Variants in DACH1 observed in about 807,000 individuals in gnomAD.
DACH1 encodes dachshund family transcription factor 1.
A neutral mutation model predicts 54.2 loss-of-function variants in DACH1; 12 were observed. The observed-to-expected ratio is 0.22, with a 90% CI of 0.14 to 0.36. DACH1 has a LOEUF of 0.36. Ranked by LOEUF, DACH1 falls within the 10% of genes least tolerant of loss-of-function variation. The pLI, the probability that DACH1 is intolerant of heterozygous loss-of-function variation, is 1.00. For synonymous variants in DACH1, 386 were observed against 366.2 expected, an observed-to-expected ratio of 1.05 and a Z score of -0.62; for missense variants, 805 against 929.8, an observed-to-expected ratio of 0.87 and a Z score of 1.75.
In DACH1 at chr13:71,840,257, A is replaced by C. The variant is rs150149759; in HGVS notation, c.848+25665T>G. On this transcript the variant is annotated intron_variant, in intron 1 of 10. Coordinates refer to ENST00000613252, the MANE Select transcript of DACH1 (RefSeq NM_080759.6). ...GCCACCACGCTGGGTCTACAGCCTT[A>C]ATTATTTAAAACTGATTATTAAAAT... Among the ~76,000 whole-genome samples the C allele has an allele frequency of 6.1e-3, 921 of 152,224 alleles. 9 individuals carry two copies. The highest frequency in any genetic ancestry group is 0.021 in the African/African-American group (885 of 41,520).
chr13:71,565,889 T>C (rs937918685), intron 4 of DACH1, among the ~76,000 whole-genome samples: 4 of 152,190 alleles, frequency 2.6e-5, no homozygotes, highest in Non-Finnish European at 5.9e-5. Context: ...AGGTTGCTAT[T>C]TGATAATATA....
intron 3 of DACH1, among the ~76,000 whole-genome samples, chr13:71,602,810 T>C (rs1460003820): frequency 6.6e-6 from 1 of 151,996 alleles, no homozygotes; most frequent in East Asian, 1.9e-4. Flanking sequence ...TTCTAATTAA[T>C]ATAATAAATG....
intron 6 of DACH1, among the ~76,000 whole-genome samples, chr13:71,498,910 T>C (rs146560674): frequency 2.0e-5 from 3 of 152,300 alleles, no homozygotes; most frequent in African/African-American, 7.2e-5. Context: ...TCAGAAATTC[T>C]AAGATCAAGC....
At chr13:71,736,714 A>T (rs958916331) in intron 1 of DACH1, among the ~76,000 whole-genome samples, 1 of 152,198 alleles carries the variant, frequency 6.6e-6, no homozygotes, top group African/African-American at 2.4e-5. Context: ...AGACAATCAC[A>T]GCAATAGGAT....
intron 1 of DACH1, among the ~76,000 whole-genome samples, chr13:71,750,041 T>C (rs1884853146): frequency 1.3e-5 from 2 of 152,356 alleles, no homozygotes; most frequent in African/African-American, 2.4e-5. Flanking sequence ...AGGTACTCTG[T>C]TGGGAATAAA....
At chr13:71,537,236 C>G (rs1302736288) in intron 6 of DACH1, among the ~76,000 whole-genome samples, 1 of 152,050 alleles carries the variant, frequency 6.6e-6, no homozygotes, top group Non-Finnish European at 1.5e-5. Flanking sequence ...TGCACCAGAA[C>G]TTGCCATGAC....
intron 1 of DACH1, among the ~76,000 whole-genome samples, chr13:71,776,871 C>G (rs1445844583): frequency 6.6e-6 from 1 of 152,082 alleles, no homozygotes; most frequent in African/African-American, 2.4e-5. Context: ...CAAGTGACTT[C>G]TCATCTGACT....
intron 1 of DACH1, among the ~76,000 whole-genome samples, chr13:71,827,426 A>T (rs1406133224): frequency 6.6e-6 from 1 of 152,126 alleles, no homozygotes; most frequent in Non-Finnish European, 1.5e-5. Context: ...AAAAAACAAA[A>T]TAAACGTGCA....
chr13:71,591,214 T>C (rs1322164131), intron 3 of DACH1, among the ~76,000 whole-genome samples: 1 of 152,020 alleles, frequency 6.6e-6, no homozygotes, highest in Non-Finnish European at 1.5e-5. Context: ...ACTATTTTAT[T>C]CTCCTTCACA....
chr13:71,748,898 C>CTTTCTCTTTCTTTCTT (rs1368876638), intron 1 of DACH1, among the ~76,000 whole-genome samples: 1 of 39,582 alleles, frequency 2.5e-5, no homozygotes, highest in African/African-American at 7.8e-5. Flanking sequence ...TTCTTTCTTT[C>CTTTCTCTTTCTTTCTT]TCTTTCTTTC....
chr13:71,450,400 C>G (rs1022133694), intron 10 of DACH1, among the ~76,000 whole-genome samples: 1 of 151,872 alleles, frequency 6.6e-6, no homozygotes, highest in African/African-American at 2.4e-5. Flanking sequence ...CGAACTATGC[C>G]CATATAAGAC....
chr13:71,659,591 A>G (rs956600944), intron 2 of DACH1, among the ~76,000 whole-genome samples: 1 of 152,178 alleles, frequency 6.6e-6, no homozygotes, highest in African/African-American at 2.4e-5. Context: ...GCTGGCTGTT[A>G]ACAACTTCTG....
intron 1 of DACH1, among the ~76,000 whole-genome samples, chr13:71,697,562 C>T (rs113360598): frequency 1.3e-5 from 2 of 152,140 alleles, no homozygotes; most frequent in Non-Finnish European, 2.9e-5. Context: ...AAATTATCAA[C>T]CAAAGTAGTC....
At chr13:71,563,382 T>G (rs1884711373) in intron 4 of DACH1, among the ~76,000 whole-genome samples, 2 of 152,010 alleles carry the variant, frequency 1.3e-5, no homozygotes, top group South Asian at 4.1e-4. Context: ...ATAATAGATT[T>G]CTTGGTAGTG....
At chr13:71,686,644 A>C (rs2138712925) in intron 1 of DACH1, among the ~76,000 whole-genome samples, 1 of 152,342 alleles carries the variant, frequency 6.6e-6, no homozygotes, top group Non-Finnish European at 1.5e-5. Flanking sequence ...TGTGGACATC[A>C]TCTTTTGTTA....
chr13:71,527,681 C>T (rs1882094432), intron 6 of DACH1, among the ~76,000 whole-genome samples: 1 of 152,154 alleles, frequency 6.6e-6, no homozygotes, highest in Non-Finnish European at 1.5e-5. Context: ...GTGAACAACA[C>T]CAAATATTTG....
intron 1 of DACH1, among the ~76,000 whole-genome samples, chr13:71,686,888 G>A (rs566318947): frequency 6.6e-6 from 1 of 152,164 alleles, no homozygotes; most frequent in Admixed American, 6.6e-5. Context: ...AGAGAAAAGA[G>A]CTACTGTATA....
chr13:71,804,681 T>C lies in DACH1; in HGVS notation c.848+61241A>G, dbSNP rs189866470. ...AAGTTCCCACCCTCTGGAATGCCAT[T>C]AGCTCCACCTGTTAAGGTACTAGTC... On this transcript the variant is annotated intron_variant, in intron 1 of 10. Transcript: ENST00000613252. 1.5e-3 allele frequency among the ~76,000 whole-genome samples: 225 copies of C among 152,250 alleles called. 1 individual carries two copies. The highest frequency in any genetic ancestry group is 5.2e-3 in the African/African-American group (216 of 41,574).
At chr13:71,788,590 C>A (rs143668258) in intron 1 of DACH1, among the ~76,000 whole-genome samples, 28 of 151,940 alleles carry the variant, frequency 1.8e-4, no homozygotes, top group Middle Eastern at 3.4e-3. Context: ...ACATACCCCC[C>A]CACACACACA....
Sources: allele counts gnomAD v4.1 joint callset (sites outside exome capture counted in the v4.1 genomes callset), GRCh38; gene constraint gnomAD v4.1.1; transcripts MANE v1.5; gene names NCBI Gene and HGNC (gene_info 2026-07-23, HGNC 2026-07-21).